The following TTLL11 variants were observed in gnomAD, a reference collection of about 807,000 sequenced individuals.
TTLL11 encodes the protein tubulin polyglutamylase TTLL11.
Under a neutral mutation model 51.7 loss-of-function variants are expected in TTLL11, and 42 were observed. The ratio of observed to expected loss-of-function variants is 0.81; its 90% CI spans 0.64 to 1.05. The LOEUF (loss-of-function observed/expected upper bound fraction) is 1.05, where lower values mean the gene tolerates loss of function less well. Among genes scored for constraint, TTLL11 ranks in the 50% least tolerant of loss-of-function variants. The pLI, the probability that TTLL11 is intolerant of heterozygous loss-of-function variation, is 0.00. For missense variants in TTLL11, 799 were observed against 940.4 expected (o/e 0.85, Z 1.97); for synonymous variants, 381 against 383.5 (o/e 0.99, Z 0.08).
At position 122,031,747 on chromosome 9, in the gene TTLL11, G is replaced by A. The variant is rs200388791; in HGVS notation, c.669C>T (p.Asp223=). Reference sequence around the variant, plus strand: ...CCTGAGCAACAAAGAGCTGGAACTCGTCAGGCAGAATCCATGAGCGAGGGT... The same window carrying A: ...CCTGAGCAACAAAGAGCTGGAACTCATCAGGCAGAATCCATGAGCGAGGGT... ...NFYPRSWILP[D]EFQLFVAQVQ... The change falls in exon 3 of 9, where the codon GAC becomes GAT. Residue 223 remains aspartate, a synonymous_variant. Transcript: ENST00000321582. 1.2e-5 allele frequency: 19 copies of A among 1,612,818 alleles called. No homozygotes were observed. The highest frequency in any genetic ancestry group is 1.4e-5 in the Non-Finnish European group (16 of 1,180,000).
intron 1 of TTLL11, among the ~76,000 whole-genome samples, chr9:122,048,442 T>C (rs550220039): frequency 1.3e-5 from 2 of 152,298 alleles, no homozygotes; most frequent in South Asian, 2.1e-4. Flanking sequence ...GCTGGGATTA[T>C]AGATGTGAGG....
Position 121,989,707 on chromosome 9 carries a change from C to A in TTLL11, c.757G>T (p.Gly253Cys), listed in dbSNP as rs751770850. 6 of 1,613,356 alleles carry A rather than the reference C, an allele frequency of 3.7e-6. No individual in the cohort carries two copies. In the South Asian group the frequency reaches 6.6e-5, roughly 18 times the overall value. The stretch of plus-strand genomic sequence containing the variant: ...AGGTAGATTCCATCACCCTGACAAC[C>A]ACCATCAGGTTTCACGATAAAAGTG... ...KPTFIVKPDG[G>C]CQGDGIYLIK... The change falls in exon 4 of 9, where the codon GGT becomes TGT. Residue 253 changes from glycine to cysteine, a missense_variant. Around this residue, in one of 3 missense-constraint regions of TTLL11, gnomAD observed 468 missense variants for 612.8 expected, o/e 0.76. Coordinates refer to ENST00000321582, the MANE Select transcript of TTLL11 (RefSeq NM_001139442.2). This position sits in a 1 kb window ranked among gnomAD's most constrained non-coding sequence, Gnocchi z 4.2.
Position 121,816,182 on chromosome 9 carries a change from A to G in TTLL11, c.*6405T>C, listed in dbSNP as rs1836399919. ...AGTGCATATGAAGGTCTGACTGCAA[A>G]GCCCTCGCTTTTCCAGAACAGTTCA... On this transcript the variant is annotated 3_prime_UTR_variant, in exon 9 of 9. Transcript: ENST00000321582. 1 of 152,190 alleles carries G rather than the reference A, an allele frequency of 6.6e-6. No individual in the cohort carries two copies. The highest frequency in any genetic ancestry group is 1.5e-5 in the Non-Finnish European group (1 of 68,028). 9.4% of individuals were successfully genotyped at this position (152,190 alleles called of 1,614,324 possible).
intron 8 of TTLL11, among the ~76,000 whole-genome samples, chr9:121,859,025 T>C (rs1030765128): frequency 6.6e-6 from 1 of 152,164 alleles, no homozygotes; most frequent in Non-Finnish European, 1.5e-5. Flanking sequence ...TCACAGTTCC[T>C]GTGTGATCTG....
intron 6 of TTLL11, among the ~76,000 whole-genome samples, chr9:121,896,265 G>T (rs1839521432): frequency 6.6e-6 from 1 of 152,056 alleles, no homozygotes; most frequent in Non-Finnish European, 1.5e-5. Context: ...AGAAAGAATA[G>T]ACACATTTCT....
At chr9:122,072,760 C>T (rs1845760581) in intron 1 of TTLL11, among the ~76,000 whole-genome samples, 2 of 152,156 alleles carry the variant, frequency 1.3e-5, no homozygotes, top group African/African-American at 4.8e-5. Context: ...CCTCCAGATC[C>T]AGCTCAGAGG....
chr9:122,089,641 T>C (rs1846209560), intron 1 of TTLL11, among the ~76,000 whole-genome samples: 1 of 152,248 alleles, frequency 6.6e-6, no homozygotes, highest in South Asian at 2.1e-4. Context: ...GAATATTTAT[T>C]GAGCACCTAG....
intron 6 of TTLL11, among the ~76,000 whole-genome samples, chr9:121,914,987 A>G (rs947712942): frequency 6.6e-6 from 1 of 152,124 alleles, no homozygotes; most frequent in Non-Finnish European, 1.5e-5. Flanking sequence ...GGGGCTCAAA[A>G]CCAGTGCTAG....
At chr9:122,082,055 A>G (rs1422504159) in intron 1 of TTLL11, among the ~76,000 whole-genome samples, 1 of 152,254 alleles carries the variant, frequency 6.6e-6, no homozygotes, top group Non-Finnish European at 1.5e-5. Context: ...GATGAATAGT[A>G]TACAGTATTG....
chr9:121,862,946 A>G (rs1046880938), intron 7 of TTLL11, among the ~76,000 whole-genome samples: 1 of 151,860 alleles, frequency 6.6e-6, no homozygotes, highest in African/African-American at 2.4e-5. Flanking sequence ...ACCCAAGCGC[A>G]CCCCTAATGA....
chr9:121,847,099 A>G (rs1837538042), intron 8 of TTLL11, among the ~76,000 whole-genome samples: 1 of 151,712 alleles, frequency 6.6e-6, no homozygotes, highest in African/African-American at 2.4e-5. Flanking sequence ...AGTCCCAGCT[A>G]CTCGGGAGGC....
chr9:121,835,434 GAAA>G (rs1259939285), intron 8 of TTLL11, among the ~76,000 whole-genome samples: 2 of 152,010 alleles, frequency 1.3e-5, no homozygotes, highest in African/African-American at 4.8e-5. Flanking sequence ...AAATCTCAAG[GAAA>G]AAAGCCTTGC....
chr9:121,887,484 G>A (rs1054960350), intron 6 of TTLL11, among the ~76,000 whole-genome samples: 3 of 152,208 alleles, frequency 2.0e-5, no homozygotes, highest in Non-Finnish European at 4.4e-5. Flanking sequence ...GACTTGGGTT[G>A]GCTACCAAGA....
chr9:121,987,615 C>T (rs1842970729), intron 4 of TTLL11, among the ~76,000 whole-genome samples: 1 of 152,192 alleles, frequency 6.6e-6, no homozygotes, highest in Non-Finnish European at 1.5e-5. Context: ...GTGGAGAGGA[C>T]AGTTTCAGTG....
intron 6 of TTLL11, among the ~76,000 whole-genome samples, chr9:121,934,591 A>G (rs542395583): frequency 1.3e-5 from 2 of 152,322 alleles, no homozygotes; most frequent in South Asian, 2.1e-4. Flanking sequence ...TTTCAGGAAC[A>G]TGTCTACAAA....
At chr9:121,954,596 C>T (rs200126918) in intron 6 of TTLL11, among the ~76,000 whole-genome samples, 1 of 152,162 alleles carries the variant, frequency 6.6e-6, no homozygotes, top group East Asian at 1.9e-4. Context: ...GAGAAGCAAA[C>T]CTTTCTCTTC....
rs558729003 is a variant in TTLL11 at position 122,027,563 on chromosome 9, T to C, written c.693+4160A>G. Among the ~76,000 whole-genome samples the C allele has an allele frequency of 3.9e-5, 6 of 152,354 alleles. No individual in the cohort carries two copies. The South Asian group carries it at 1.2e-3, about 32-fold the overall frequency. On this transcript the variant is annotated intron_variant, in intron 3 of 8. Coordinates refer to ENST00000321582, the MANE Select transcript of TTLL11 (RefSeq NM_001139442.2). The stretch of plus-strand genomic sequence containing the variant: ...GTTAATTTCCTAGTTTCAGTCACTG[T>C]GTAAGATGTTAACATTAGAGGAAGT...
chr9:121,816,998 C>T lies in TTLL11; in HGVS notation c.*5589G>A, dbSNP rs1381269770. The T allele has an allele frequency of 1.3e-5, 2 of 152,152 alleles. No homozygotes were observed. Among genetic ancestry groups the T allele is most frequent in the African/African-American group, 4.8e-5 (2 of 41,422 alleles). The allele number at this position is 152,152 out of a possible 1,614,324, so 9.4% of individuals were successfully genotyped here. A position where few individuals can be genotyped will look rare whatever the true frequency, so the allele number is the denominator to read the frequency against. On this transcript the variant is annotated 3_prime_UTR_variant, in exon 9 of 9. Transcript: ENST00000321582. The stretch of plus-strand genomic sequence containing the variant: ...GTTAATACACACGGTGGTGAATGAT[C>T]CCTCCGTGCGAGGAGGACAGCGCTC...
Position 121,830,683 on chromosome 9 carries a change from A to C in TTLL11, c.1841-7804T>G, listed in dbSNP as rs1320167683. On this transcript the variant is annotated intron_variant, in intron 8 of 8. Coordinates refer to ENST00000321582, the MANE Select transcript of TTLL11 (RefSeq NM_001139442.2). ...CCGCACAGCCCCAGATTCTTCCAGC[A>C]TCACTGCTTGCCCACTAAGTAGGAG... Among the ~76,000 whole-genome samples, 8 of 152,294 alleles carry C rather than the reference A, an allele frequency of 5.3e-5. No individual in the cohort carries two copies. The South Asian group carries it at 1.5e-3, about 28-fold the overall frequency.
Sources: gnomAD v4.1 joint callset for allele counts (sites outside exome capture counted in the v4.1 genomes callset) on GRCh38, gnomAD v4.1.1 for gene constraint, gnomAD v4.1.1 regional missense constraint, Gnocchi (gnomAD v3.1) non-coding constraint, MANE v1.5 for transcripts, NCBI Gene and HGNC (gene_info 2026-07-23, HGNC 2026-07-21) for gene names.